Variants in PCDH11X observed in about 807,000 individuals in gnomAD.
The protein encoded by PCDH11X is protocadherin-11 X-linked.
PCDH11X carries 18 observed loss-of-function variants against 53.3 expected under a neutral mutation model. The ratio of observed to expected loss-of-function variants is 0.34; its 90% CI spans 0.23 to 0.50. The LOEUF is 0.50. PCDH11X is among the 20% of genes least tolerant of loss of function. The pLI, the probability that PCDH11X is intolerant of heterozygous loss-of-function variation, is 0.98. For synonymous variants in PCDH11X, 279 were observed against 393.3 expected (o/e 0.71, Z 3.44); for missense variants, 570 against 1,032.4 (o/e 0.55, Z 6.14).
chrX:92,537,674 T>G (rs1354527031), intron 10 of PCDH11X, among the ~76,000 whole-genome samples: 2 of 94,778 alleles, frequency 2.1e-5, no homozygotes, highest in African/African-American at 7.5e-5. Flanking sequence ...AAACCAGACA[T>G]ATAGAACAAT....
At chrX:92,497,417 A>ATT (rs368282010) in intron 10 of PCDH11X, among the ~76,000 whole-genome samples, 23,445 of 105,203 alleles carry the variant, frequency 0.22, 2,104 homozygotes, top group East Asian at 0.47. Flanking sequence ...CTTTGTAAGA[A>ATT]TTTTTTTTTT....
chrX:92,018,711 AATT>A (rs2062836464), intron 6 of PCDH11X, among the ~76,000 whole-genome samples: 1 of 112,768 alleles, frequency 8.9e-6, no homozygotes, highest in Non-Finnish European at 1.9e-5. Context: ...CATGTGATCT[AATT>A]ATTATTTGTA....
rs1349713855 is a variant in PCDH11X, at chrX:91,852,272, C to T, written c.540+16228C>T. On this transcript the variant is annotated intron_variant, in intron 5 of 10. Transcript: ENST00000682573. The stretch of plus-strand genomic sequence containing the variant: ...TCAGGTGATCCTCCCGCCTCGGCCT[C>T]CCAAAGTGCTGGGATTACAGGCATG... Among the ~76,000 whole-genome samples the T allele has an allele frequency of 5.4e-5, 6 of 110,676 alleles. No individual in the cohort carries two copies. In the East Asian group the frequency reaches 1.7e-3, roughly 32 times the overall value.
chrX:92,315,542 T>A (rs2069055675), intron 8 of PCDH11X, among the ~76,000 whole-genome samples: 1 of 111,383 alleles, frequency 9.0e-6, no homozygotes, highest in Admixed American at 9.6e-5. Flanking sequence ...TTATTTAAGT[T>A]TTTTTTGTTT....
intron 6 of PCDH11X, among the ~76,000 whole-genome samples, chrX:91,974,970 T>C (rs1203160044): frequency 9.0e-6 from 1 of 110,656 alleles, no homozygotes; most frequent in Admixed American, 9.6e-5. Context: ...CAGGCTGGTC[T>C]CTCACTCCTG....
intron 6 of PCDH11X, among the ~76,000 whole-genome samples, chrX:92,195,906 T>G (rs1442252821): frequency 8.9e-6 from 1 of 112,149 alleles, no homozygotes; most frequent in East Asian, 2.8e-4. Flanking sequence ...ACATGTCCCT[T>G]TAATTCTGCT....
intron 4 of PCDH11X, among the ~76,000 whole-genome samples, chrX:91,830,309 C>A (rs1303994483): frequency 9.0e-6 from 1 of 111,404 alleles, no homozygotes; most frequent in Non-Finnish European, 1.9e-5. Context: ...GAAGTTTAGA[C>A]CCAAATGTGA....
intron 8 of PCDH11X, among the ~76,000 whole-genome samples, chrX:92,339,608 C>G (rs915484770): frequency 1.8e-5 from 2 of 110,002 alleles, no homozygotes; most frequent in African/African-American, 3.3e-5. Context: ...AGAGCAGGAG[C>G]AAGAGAGAAG....
chrX:92,249,351 A>G (rs2067414530), intron 7 of PCDH11X, among the ~76,000 whole-genome samples: 1 of 112,059 alleles, frequency 8.9e-6, no homozygotes, highest in South Asian at 3.7e-4. Flanking sequence ...ACATGCCACA[A>G]GAGTGACACG....
At chrX:91,798,037 T>A (rs1380017177) in intron 1 of PCDH11X, 2 of 107,695 alleles carry the variant, frequency 1.9e-5, no homozygotes, top group Non-Finnish European at 3.8e-5. Flanking sequence ...TAGCTAAGCT[T>A]TATGCTTTTT....
At chrX:92,205,789 C>T (rs903922953) in intron 7 of PCDH11X, among the ~76,000 whole-genome samples, 9 of 109,924 alleles carry the variant, frequency 8.2e-5, no homozygotes, top group African/African-American at 1.3e-4. Context: ...TTAGTAGCGA[C>T]GGTGTTTCAC....
At chrX:92,097,274 A>G (rs1286503448) in intron 6 of PCDH11X, among the ~76,000 whole-genome samples, 2 of 109,282 alleles carry the variant, frequency 1.8e-5, no homozygotes, top group Non-Finnish European at 3.8e-5. Context: ...AAAACTGGCC[A>G]GGTGGTGTGC....
intron 6 of PCDH11X, among the ~76,000 whole-genome samples, chrX:92,002,227 T>G (rs2062523019): frequency 9.0e-6 from 1 of 110,535 alleles, no homozygotes; most frequent in East Asian, 2.9e-4. Flanking sequence ...GTGGATTTCT[T>G]TCTGCGTTCT....
chrX:92,359,547 AGT>A (rs1404903983), intron 8 of PCDH11X, among the ~76,000 whole-genome samples: 1 of 111,220 alleles, frequency 9.0e-6, no homozygotes, highest in Admixed American at 9.6e-5. Context: ...ATCAAAAGCC[AGT>A]GTTTTCAGCC....
At chrX:92,496,512 G>C (rs1160081146) in intron 10 of PCDH11X, among the ~76,000 whole-genome samples, 1 of 105,675 alleles carries the variant, frequency 9.5e-6, no homozygotes, top group Non-Finnish European at 1.9e-5. Flanking sequence ...TAGCAAATAG[G>C]TGAAGGTGGT....
At chrX:91,792,134 C>T (rs1209033611) in intron 1 of PCDH11X, among the ~76,000 whole-genome samples, 2 of 109,412 alleles carry the variant, frequency 1.8e-5, no homozygotes, top group African/African-American at 3.3e-5. Flanking sequence ...CAGGCGTGAG[C>T]CACCGCGCCC....
chrX:92,115,188 A>T (rs1258422013), intron 6 of PCDH11X, among the ~76,000 whole-genome samples: 5 of 110,610 alleles, frequency 4.5e-5, no homozygotes, highest in Non-Finnish European at 9.4e-5. Flanking sequence ...CTATCCATTG[A>T]TCTCCAATAC....
intron 6 of PCDH11X, among the ~76,000 whole-genome samples, chrX:92,167,616 C>A (rs908033058): frequency 8.1e-5 from 9 of 111,485 alleles, no homozygotes; most frequent in East Asian, 2.8e-4. Flanking sequence ...TATTTCTTTA[C>A]TTTTCAATGG....
intron 6 of PCDH11X, among the ~76,000 whole-genome samples, chrX:91,949,629 C>A (rs559065833): frequency 9.1e-6 from 1 of 110,078 alleles, no homozygotes; most frequent in Non-Finnish European, 1.9e-5. Flanking sequence ...CGGCTTCTAG[C>A]GCTGTTTTCT....
Sources: allele counts gnomAD v4.1 joint callset (sites outside exome capture counted in the v4.1 genomes callset), GRCh38; gene constraint gnomAD v4.1.1; transcripts MANE v1.5; gene names NCBI Gene and HGNC (gene_info 2026-07-23, HGNC 2026-07-21).